The following BIN3 variants were observed in gnomAD, a reference collection of about 807,000 sequenced individuals.
The protein encoded by BIN3 is bridging integrator 3.
Under a neutral mutation model 38.2 loss-of-function variants are expected in BIN3, and 41 were observed. The ratio of observed to expected loss-of-function variants is 1.07; its 90% CI spans 0.84 to 1.39. The LOEUF (loss-of-function observed/expected upper bound fraction) is 1.39, where lower values mean the gene tolerates loss of function less well. Ranked by LOEUF, BIN3 falls within the 40% of genes most tolerant of loss-of-function variation. The pLI is 0.00. For missense variants in BIN3, 361 were observed against 324.3 expected (o/e 1.11, Z -0.87); for synonymous variants, 145 against 122.6 (o/e 1.18, Z -1.21).
chr8:22,637,066 A>G lies in BIN3; in HGVS notation c.58-104T>C. On this transcript the variant is annotated intron_variant, in intron 2 of 8. Transcript: ENST00000276416. The stretch of plus-strand genomic sequence containing the variant: ...TCCACACCCTGCCCCAGTCCGCAGA[A>G]AACAACATGGTCCAGTTCACACAAG... 1.1e-5 allele frequency: 11 copies of G among 998,750 alleles called. 1 individual carries two copies. In the South Asian group the frequency reaches 1.4e-4, roughly 12 times the overall value. 61.9% of individuals were successfully genotyped at this position (998,750 alleles called of 1,614,324 possible).
chr8:22,668,743 A>C (rs1304854136), intron 1 of BIN3, among the ~76,000 whole-genome samples: 2 of 152,234 alleles, frequency 1.3e-5, no homozygotes. Context: ...TGTTTAAAAA[A>C]GGAGGGAACA....
intron 6 of BIN3, among the ~76,000 whole-genome samples, chr8:22,627,606 C>A (rs773327151): frequency 6.6e-6 from 1 of 152,192 alleles, no homozygotes; most frequent in Admixed American, 6.5e-5. Flanking sequence ...TGTCCCCAGG[C>A]GTGAAGCCAG....
intron 6 of BIN3, chr8:22,624,910 G>A (rs1563943239): frequency 4.3e-6 from 1 of 231,298 alleles, no homozygotes; most frequent in Non-Finnish European, 8.6e-6. Context: ...TTCTCTGTCT[G>A]GCACCCTTTC....
chr8:22,621,255 T>G lies in BIN3; in HGVS notation c.*167A>C. ...GTGAGTGGGGAGACGGCGGCCTGCC[T>G]AGGGCTCCTGGTGCCAGGCTCAGGA... On this transcript the variant is annotated 3_prime_UTR_variant, in exon 9 of 9. Transcript: ENST00000276416. The G allele has an allele frequency of 1.1e-6, 1 of 925,232 alleles. No homozygotes were observed. Among genetic ancestry groups the G allele is most frequent in the East Asian group, 2.7e-5 (1 of 37,568 alleles). The allele number at this position is 925,232 out of a possible 1,614,324, so 57.3% of individuals were successfully genotyped here.
intron 4 of BIN3, chr8:22,634,376 G>A (rs192574121): frequency 1.2e-4 from 49 of 418,536 alleles, no homozygotes; most frequent in Non-Finnish European, 1.9e-4. Context: ...CACAGACCAA[G>A]ACGGCCACAG....
At chr8:22,628,191 T>C (rs866234983) in intron 6 of BIN3, among the ~76,000 whole-genome samples, 2 of 152,132 alleles carry the variant, frequency 1.3e-5, no homozygotes, top group South Asian at 2.1e-4. Flanking sequence ...GAAAGGGAAA[T>C]TGAAAGCATC....
chr8:22,655,050 A>G (rs986570401), intron 1 of BIN3, among the ~76,000 whole-genome samples: 11 of 152,190 alleles, frequency 7.2e-5, no homozygotes, highest in African/African-American at 2.7e-4. Context: ...CATTTCTCTA[A>G]TGACTAATGA....
chr8:22,637,022 C>T (rs1266922401), intron 2 of BIN3, 60 bp from the exon 3 acceptor site: 2 of 1,505,018 alleles, frequency 1.3e-6, no homozygotes, highest in Middle Eastern at 1.7e-4. Flanking sequence ...AAAAAACCTC[C>T]CAGCCTCCTG....
At chr8:22,621,674 G>C (rs1801825317) in intron 8 of BIN3, 106 bp from the exon 9 acceptor site, 4 of 1,223,350 alleles carry the variant, frequency 3.3e-6, no homozygotes, top group Non-Finnish European at 4.7e-6. Flanking sequence ...TACCCATCTG[G>C]AGCTGTGCAG....
intron 1 of BIN3, among the ~76,000 whole-genome samples, chr8:22,666,081 T>C (rs1364375740): frequency 6.6e-6 from 1 of 152,084 alleles, no homozygotes; most frequent in African/African-American, 2.4e-5. Flanking sequence ...TCCTTCCTTT[T>C]TGTCAAACTA....
intron 1 of BIN3, among the ~76,000 whole-genome samples, chr8:22,657,834 TA>T (rs1268552392): frequency 5.3e-5 from 8 of 152,166 alleles, no homozygotes; most frequent in African/African-American, 1.9e-4. Flanking sequence ...GGGACTTCCT[TA>T]GGAGAAGCAG....
At chr8:22,625,388 C>G (rs982177023) in intron 6 of BIN3, 4 of 702,444 alleles carry the variant, frequency 5.7e-6, no homozygotes, top group Admixed American at 4.0e-5. Context: ...CGGAGGTGAC[C>G]CAGGACCAGA....
intron 3 of BIN3, 95 bp downstream of exon 3, chr8:22,636,827 T>C (rs1802381937): frequency 2.1e-6 from 3 of 1,399,096 alleles, no homozygotes; most frequent in Non-Finnish European, 3.0e-6. Flanking sequence ...TCCAGGGTGC[T>C]CACGGGGCAG....
At chr8:22,635,427 C>T (rs1479075317) in intron 4 of BIN3, among the ~76,000 whole-genome samples, 1 of 152,120 alleles carries the variant, frequency 6.6e-6, no homozygotes, top group African/African-American at 2.4e-5. Context: ...CCTGGCCATA[C>T]CCAAGTCTCT....
rs1194455234 is a variant in BIN3, at chr8:22,621,427, C to T, written c.757G>A (p.Asp253Asn). 1.9e-6 allele frequency: 3 copies of T among 1,612,872 alleles called. No homozygotes were observed. Among genetic ancestry groups the T allele is most frequent in the African/African-American group, 1.3e-5 (1 of 75,072 alleles). ...ELRALSIVAD[D>N] ...CCTCCAAGAGTGACGGGGATTCAGT[C>T]ATCGGCCACAATGGAGAGGGCCCGG... The change falls in exon 9 of 9, where the codon GAC becomes AAC. Residue 253 changes from aspartate (D) to asparagine (N), a missense_variant. Transcript: ENST00000276416.
At chr8:22,665,175 G>A (rs950133705) in intron 1 of BIN3, among the ~76,000 whole-genome samples, 5 of 152,160 alleles carry the variant, frequency 3.3e-5, no homozygotes, top group African/African-American at 1.2e-4. Flanking sequence ...GTGGGGAGGA[G>A]AAATCACAGG....
At chr8:22,623,707 G>A (rs751827417) in intron 8 of BIN3, among the ~76,000 whole-genome samples, 1 of 152,254 alleles carries the variant, frequency 6.6e-6, no homozygotes, top group Non-Finnish European at 1.5e-5. Flanking sequence ...ATTTACCAGA[G>A]AGCAATGTGA....
chr8:22,665,687 A>T lies in BIN3; in HGVS notation c.8+3357T>A, dbSNP rs573416924. Among the ~76,000 whole-genome samples, 12 of 152,360 alleles carry T rather than the reference A, an allele frequency of 7.9e-5. 1 individual carries two copies. The South Asian group carries it at 2.3e-3, about 29-fold the overall frequency. On this transcript the variant is annotated intron_variant, in intron 1 of 8. Transcript: ENST00000276416. The stretch of plus-strand genomic sequence containing the variant: ...GCAGGAGAAGCTTGGAGGATGGAAC[A>T]CACGGAGTGAAGATGGACAGCCAGG...
At chr8:22,629,091 C>A (rs1180504217) in intron 6 of BIN3, among the ~76,000 whole-genome samples, 1 of 152,226 alleles carries the variant, frequency 6.6e-6, no homozygotes, top group Admixed American at 6.5e-5. Context: ...ATACTTCAGG[C>A]CTGCACAATC....
Sources: gnomAD v4.1 joint callset for allele counts (sites outside exome capture counted in the v4.1 genomes callset) on GRCh38, gnomAD v4.1.1 for gene constraint, MANE v1.5 for transcripts, NCBI Gene and HGNC (gene_info 2026-07-23, HGNC 2026-07-21) for gene names.